The following ZNF626 variants were observed in gnomAD, a reference collection of about 807,000 sequenced individuals.
The protein encoded by ZNF626 is zinc finger protein 626.
In ZNF626, 4 loss-of-function variants were observed where a neutral mutation model predicts 11.7. The ratio of observed to expected loss-of-function variants is 0.34; its 90% CI spans 0.17 to 0.78. ZNF626 has a LOEUF of 0.78. Among genes scored for constraint, ZNF626 ranks in the 30% least tolerant of loss-of-function variants. ZNF626 has a pLI of 0.57. For missense variants in ZNF626, 588 were observed against 587.1 expected (o/e 1.00, Z -0.01); for synonymous variants, 179 against 198.6 (o/e 0.90, Z 0.83).
intron 3 of ZNF626, among the ~76,000 whole-genome samples, chr19:20,644,198 T>A (rs1970051309): frequency 6.6e-6 from 1 of 152,152 alleles, no homozygotes; most frequent in South Asian, 2.1e-4. Flanking sequence ...TCATGGTCAG[T>A]CCTGCCTATA....
Position 20,645,721 on chromosome 19 carries a change from C to T in ZNF626, c.189G>A (p.Leu63=). The change falls in exon 3 of 4, where the codon TTG becomes TTA. Residue 63 remains leucine, a synonymous_variant. Coordinates refer to ENST00000601440, the MANE Select transcript of ZNF626 (RefSeq NM_001076675.3). ...ITCLEQGRKP[L]TMKRNEMIAK... is the part of the protein sequence containing the mutation. ...CTATCATCTCATTTCTCTTCATGGT[C>T]AAAGGTTTTCTTCCTTGCTCCAGAC... 1 of 1,612,138 alleles carries T rather than the reference C, an allele frequency of 6.2e-7. No homozygotes were observed. Among genetic ancestry groups the T allele is most frequent in the South Asian group, 1.1e-5 (1 of 90,648 alleles).
rs1394803087 is a variant in ZNF626 at position 20,622,721 on chromosome 19, G to A, written c.*1569C>T. The A allele has an allele frequency of 6.6e-6, 1 of 152,158 alleles. No individual in the cohort carries two copies. The highest frequency in any genetic ancestry group is 1.5e-5 in the Non-Finnish European group (1 of 68,030). 9.4% of individuals were successfully genotyped at this position (152,158 alleles called of 1,614,324 possible). A position where few individuals can be genotyped will look rare whatever the true frequency, so the allele number is the denominator to read the frequency against. ...ATATACAAATTTAACAACTTTAGTT[G>A]TGAATTCATTTATATACTCAACACT... is the stretch of plus-strand genomic sequence containing the variant. On this transcript the variant is annotated 3_prime_UTR_variant, in exon 4 of 4. Transcript: ENST00000601440.
rs980696285 is a variant in ZNF626 at position 20,620,719 on chromosome 19, T to C, written c.*3571A>G. On this transcript the variant is annotated 3_prime_UTR_variant, in exon 4 of 4. Coordinates refer to ENST00000601440, the MANE Select transcript of ZNF626 (RefSeq NM_001076675.3). ...GACTGGCTAATTTTTCTATTTTTAGTAGAGACAGGGTTTCACCACATTGGC... is the reference window on the plus strand; with the variant it reads ...GACTGGCTAATTTTTCTATTTTTAGCAGAGACAGGGTTTCACCACATTGGC... 2 of 152,234 alleles carry C rather than the reference T, an allele frequency of 1.3e-5. No individual in the cohort carries two copies. The highest frequency in any genetic ancestry group is 4.1e-4 in the South Asian group (2 of 4,830). The allele number at this position is 152,234 out of a possible 1,614,324, so 9.4% of individuals were successfully genotyped here.
chr19:20,648,359 TTTCTTCTTC>T (rs137973666), intron 1 of ZNF626, among the ~76,000 whole-genome samples: 2 of 146,222 alleles, frequency 1.4e-5, no homozygotes, highest in African/African-American at 5.2e-5. Context: ...AAATAAGCAT[TTTCTTCTTC>T]TTCTTCTTCT....
rs8111015 is a variant in ZNF626, at chr19:20,625,612, G to A, written c.265C>T (p.Gln89Ter). The change falls in exon 4 of 4, where the codon CAG becomes TAG. Residue 89 changes from glutamine (Q) to a stop codon, truncating the protein, a stop_gained. Coordinates refer to ENST00000601440, the MANE Select transcript of ZNF626 (RefSeq NM_001076675.3). LOFTEE classifies it low-confidence loss of function (END_TRUNC). ...SHFAQDLWPE[Q>*]SMKDSFQKVV... ...TTTTGGAAAGAATCTTTCATGCTCT[G>A]CTCTGGCCAAAGGTCTTGGGCAAAA... The A allele has an allele frequency of 6.3e-7, 1 of 1,576,312 alleles. No individual in the cohort carries two copies. Among genetic ancestry groups the A allele is most frequent in the South Asian group, 1.2e-5 (1 of 83,456 alleles).
chr19:20,640,170 T>C (rs1461155286), intron 3 of ZNF626, among the ~76,000 whole-genome samples: 1 of 150,010 alleles, frequency 6.7e-6, no homozygotes, highest in Non-Finnish European at 1.5e-5. Flanking sequence ...AAAAATATAT[T>C]TTTAATAAAA....
chr19:20,626,657 C>T (rs1969837373), intron 3 of ZNF626, among the ~76,000 whole-genome samples: 1 of 151,998 alleles, frequency 6.6e-6, no homozygotes, highest in African/African-American at 2.4e-5. Context: ...TGGGAGGGGA[C>T]AGTTGCAGTG....
chr19:20,653,717 G>C lies in ZNF626; in HGVS notation c.4-7312C>G, dbSNP rs1331303951. 7.3e-5 allele frequency among the ~76,000 whole-genome samples: 11 copies of C among 151,448 alleles called. 1 individual carries two copies. The highest frequency in any genetic ancestry group is 7.2e-4 in the Admixed American group (11 of 15,192). ...CATATTTTCAGAAGAATTTTATAAA[G>C]TTTCATTTCCATCTCTGCTGTTCTC... On this transcript the variant is annotated intron_variant, in intron 1 of 3. Transcript: ENST00000601440.
intron 3 of ZNF626, among the ~76,000 whole-genome samples, chr19:20,637,100 AAAAAC>A (rs781929765): frequency 3.3e-5 from 5 of 151,992 alleles, no homozygotes; most frequent in Admixed American, 1.3e-4. Flanking sequence ...CTCAATCTCA[AAAAAC>A]AAAACAAAAC....
chr19:20,657,007 G>A (rs1970212447), intron 1 of ZNF626, among the ~76,000 whole-genome samples: 1 of 152,172 alleles, frequency 6.6e-6, no homozygotes. Context: ...CATGTTCATT[G>A]CAGCACTATT....
At chr19:20,632,103 G>A (rs1166712258) in intron 3 of ZNF626, among the ~76,000 whole-genome samples, 3 of 152,190 alleles carry the variant, frequency 2.0e-5, no homozygotes, top group Admixed American at 1.3e-4. Flanking sequence ...CTTTAAAAAT[G>A]TTGAATATTG....
chr19:20,648,175 CAAA>C (rs34417157), intron 1 of ZNF626, among the ~76,000 whole-genome samples: 5 of 104,084 alleles, frequency 4.8e-5, no homozygotes, highest in Non-Finnish European at 2.1e-5. Context: ...GACTCCGTGT[CAAA>C]AAAAAAAAAA....
chr19:20,643,550 T>A (rs1555771655), intron 3 of ZNF626, among the ~76,000 whole-genome samples: 1 of 152,068 alleles, frequency 6.6e-6, no homozygotes, highest in Non-Finnish European at 1.5e-5. Context: ...AATAACTGAA[T>A]CTAAAATTAC....
intron 3 of ZNF626, among the ~76,000 whole-genome samples, chr19:20,636,194 T>C (rs182885315): frequency 2.7e-4 from 41 of 152,092 alleles, no homozygotes; most frequent in African/African-American, 9.4e-4. Context: ...AAAACAAATA[T>C]ACAAGTGACA....
intron 3 of ZNF626, among the ~76,000 whole-genome samples, chr19:20,627,533 G>C (rs1054557245): frequency 6.6e-5 from 10 of 151,740 alleles, no homozygotes; most frequent in Non-Finnish European, 1.0e-4. Flanking sequence ...GAAAGACAAA[G>C]ATATAAGAAT....
At chr19:20,638,423 G>A (rs1295311232) in intron 3 of ZNF626, among the ~76,000 whole-genome samples, 1 of 44,392 alleles carries the variant, frequency 2.3e-5, no homozygotes, top group African/African-American at 2.2e-4. Flanking sequence ...AAAACTGCAT[G>A]TCTAAATAAA....
intron 3 of ZNF626, among the ~76,000 whole-genome samples, chr19:20,633,360 T>C (rs201582670): frequency 2.7e-5 from 4 of 146,396 alleles, no homozygotes; most frequent in East Asian, 2.0e-4. Flanking sequence ...TGTCTTTTTG[T>C]TTGTCTGTGC....
chr19:20,631,772 C>T (rs1244974898), intron 3 of ZNF626, among the ~76,000 whole-genome samples: 9 of 151,386 alleles, frequency 5.9e-5, no homozygotes, highest in African/African-American at 2.2e-4. Context: ...TTAATTGGAG[C>T]ATTTAGCCCA....
In ZNF626 at chr19:20,642,179, T is replaced by C. The variant is rs547193974; in HGVS notation, c.226+3505A>G. 3.3e-5 allele frequency among the ~76,000 whole-genome samples: 5 copies of C among 152,318 alleles called. 1 individual carries two copies. The highest frequency in any genetic ancestry group is 1.2e-4 in the African/African-American group (5 of 41,578). Reference sequence around the variant, plus strand: ...CACACACATACATATGTAATCTGATTGTGATAGACACGTGCAATTTATCTC... The same window carrying C: ...CACACACATACATATGTAATCTGATCGTGATAGACACGTGCAATTTATCTC... On this transcript the variant is annotated intron_variant, in intron 3 of 3. Coordinates refer to ENST00000601440, the MANE Select transcript of ZNF626 (RefSeq NM_001076675.3).
Sources: allele counts gnomAD v4.1 joint callset (sites outside exome capture counted in the v4.1 genomes callset), GRCh38; gene constraint gnomAD v4.1.1; transcripts MANE v1.5; gene names NCBI Gene and HGNC (gene_info 2026-07-23, HGNC 2026-07-21).